The following MAP3K15 variants were observed in gnomAD, a reference collection of about 807,000 sequenced individuals.
MAP3K15 encodes mitogen-activated protein kinase kinase kinase 15, also known as MAPK/ERK kinase kinase 15.
MAP3K15 carries 124 observed loss-of-function variants against 99.5 expected under a neutral mutation model. The observed-to-expected ratio is 1.25, with a 90% CI of 1.08 to 1.45. MAP3K15 has a LOEUF of 1.45. MAP3K15 is among the 40% of genes most tolerant of loss of function. MAP3K15 has a pLI of 0.00. For missense variants in MAP3K15, 1,242 were observed against 1,079.7 expected (o/e 1.15, Z -2.11); for synonymous variants, 494 against 439.6 (o/e 1.12, Z -1.55).
intron 25 of MAP3K15, among the ~76,000 whole-genome samples, chrX:19,366,861 C>G (rs1030029998): frequency 8.9e-6 from 1 of 112,025 alleles, no homozygotes; most frequent in African/African-American, 3.2e-5. Flanking sequence ...CCTCATTCCA[C>G]TGAGACTGGA....
intron 3 of MAP3K15, among the ~76,000 whole-genome samples, chrX:19,485,060 G>A (rs2064313842): frequency 9.0e-6 from 1 of 110,994 alleles, no homozygotes; most frequent in Non-Finnish European, 1.9e-5. Flanking sequence ...TGTAATCTCA[G>A]CACTTTAGGA....
chrX:19,388,992 C>T (rs80037949), intron 18 of MAP3K15, among the ~76,000 whole-genome samples: 28 of 111,848 alleles, frequency 2.5e-4, no homozygotes, highest in South Asian at 3.7e-4. Context: ...CACACCACTG[C>T]ATGGAGGAAC....
At chrX:19,485,143 T>C (rs1297015270) in intron 3 of MAP3K15, among the ~76,000 whole-genome samples, 1 of 109,324 alleles carries the variant, frequency 9.1e-6, no homozygotes, top group Non-Finnish European at 1.9e-5. Flanking sequence ...ACCATGTCTC[T>C]ACTAAAAGTA....
chrX:19,384,332 A>G (rs770114156), intron 18 of MAP3K15, among the ~76,000 whole-genome samples: 5 of 110,200 alleles, frequency 4.5e-5, no homozygotes, highest in African/African-American at 6.6e-5. Context: ...TGGTTACCAG[A>G]GGCTGGGAAG....
At chrX:19,397,685 CACA>C (rs1205392389) in intron 15 of MAP3K15, among the ~76,000 whole-genome samples, 1 of 112,029 alleles carries the variant, frequency 8.9e-6, no homozygotes, top group Non-Finnish European at 1.9e-5. Context: ...TGGGTGGAAA[CACA>C]ACAAAAGTTT....
chrX:19,421,225 A>C (rs1474123410), intron 9 of MAP3K15, among the ~76,000 whole-genome samples: 1 of 111,310 alleles, frequency 9.0e-6, no homozygotes, highest in African/African-American at 3.3e-5. Flanking sequence ...TTCAATTAGG[A>C]AAAGAGGAAG....
chrX:19,362,836 AG>A lies in MAP3K15; in HGVS notation c.3580del (p.Leu1194Ter). The A allele has an allele frequency of 2.7e-6, 3 of 1,110,887 alleles. No individual in the cohort carries two copies. The highest frequency in any genetic ancestry group is 3.7e-6 in the Non-Finnish European group (3 of 820,369). 91.5% of individuals were successfully genotyped at this position (1,110,887 alleles called of 1,213,427 possible). ...CTGGTACTCTCTCTCTTTTTCAACT[AG>A]GTGTTCCAAAAGTCTGGTTTAAAAA... ...RQETNRLLEH[L>X]VEKEREYQNL... is the part of the protein sequence containing the mutation. On this transcript the variant is annotated frameshift_variant, in exon 26 of 29. Transcript: ENST00000338883. LOFTEE classifies it high-confidence loss of function.
At chrX:19,469,445 C>T (rs1426199185) in intron 3 of MAP3K15, among the ~76,000 whole-genome samples, 3 of 111,723 alleles carry the variant, frequency 2.7e-5, no homozygotes, top group African/African-American at 9.8e-5. Context: ...ACCATAAAAA[C>T]CCTAGAAGAA....
intron 5 of MAP3K15, among the ~76,000 whole-genome samples, chrX:19,459,667 T>C (rs1341276300): frequency 9.0e-6 from 1 of 111,719 alleles, no homozygotes; most frequent in East Asian, 2.8e-4. Context: ...CTGACCAACA[T>C]GGTGAAAACC....
rs1200601561 is a variant in MAP3K15 at position 19,493,676 on chromosome X, A to G, written c.362-4709T>C. Among the ~76,000 whole-genome samples the G allele has an allele frequency of 3.6e-5, 4 of 111,985 alleles. No homozygotes were observed. The East Asian group carries it at 1.1e-3, about 31-fold the overall frequency. On this transcript the variant is annotated intron_variant, in intron 1 of 28. Transcript: ENST00000338883. The stretch of plus-strand genomic sequence containing the variant: ...CGTGGTCACATGCTTTGCCATTTAC[A>G]AAACACTTCCACAGACTTCTCAGTT...
At chrX:19,400,755 T>C in intron 13 of MAP3K15, 92 bp from the exon 14 acceptor site, 1 of 568,734 alleles carries the variant, frequency 1.8e-6, no homozygotes, top group East Asian at 3.5e-5. Context: ...TACTTAAATA[T>C]AAACCAAACT....
intron 3 of MAP3K15, among the ~76,000 whole-genome samples, chrX:19,482,997 C>T (rs1265129589): frequency 9.0e-6 from 1 of 110,549 alleles, no homozygotes; most frequent in African/African-American, 3.3e-5. Context: ...ATCTGTAATC[C>T]CAGCTCTTTG....
In MAP3K15 at chrX:19,360,303, T is replaced by G. The variant is rs1438714650; in HGVS notation, c.*446A>C. The G allele has an allele frequency of 2.8e-5, 4 of 142,012 alleles. No homozygotes were observed. Among genetic ancestry groups the G allele is most frequent in the Non-Finnish European group, 5.5e-5 (4 of 73,087 alleles). 11.7% of individuals were successfully genotyped at this position (142,012 alleles called of 1,213,427 possible). On this transcript the variant is annotated 3_prime_UTR_variant, in exon 29 of 29. Transcript: ENST00000338883. ...CCAGTTCTGAGGCAGTGTCCCAGCTTCCATGTTTGTTAAATACCCCTTGTT... is the reference window on the plus strand; with the variant it reads ...CCAGTTCTGAGGCAGTGTCCCAGCTGCCATGTTTGTTAAATACCCCTTGTT...
chrX:19,391,674 C>CAAAA (rs759061873), intron 18 of MAP3K15, among the ~76,000 whole-genome samples: 201 of 24,785 alleles, frequency 8.1e-3, no homozygotes, highest in Middle Eastern at 0.022. Context: ...GACCCCGTCT[C>CAAAA]AAAAAAAAAA....
intron 3 of MAP3K15, among the ~76,000 whole-genome samples, chrX:19,478,534 T>C (rs1240228554): frequency 9.1e-6 from 1 of 109,467 alleles, no homozygotes; most frequent in Non-Finnish European, 1.9e-5. Context: ...GACCTACACA[T>C]GTTCCTAAGC....
In MAP3K15 at chrX:19,398,427, C is replaced by T. The variant is rs371294870; in HGVS notation, c.1933-68G>A. 2.7e-4 allele frequency: 301 copies of T among 1,109,395 alleles called. 1 individual carries two copies. In the African/African-American group the frequency reaches 5.0e-3, roughly 19 times the overall value. The allele number at this position is 1,109,395 out of a possible 1,213,427, so 91.4% of individuals were successfully genotyped here. A position where few individuals can be genotyped will look rare whatever the true frequency, so the allele number is the denominator to read the frequency against. On this transcript the variant is annotated intron_variant, in intron 14 of 28. Transcript: ENST00000338883. ...TAGCGGAGAAGCCCTCTAAGGCCCCCAGAGTTGTCTAGCAACTAAAAAAAA... is the reference window on the plus strand; with the variant it reads ...TAGCGGAGAAGCCCTCTAAGGCCCCTAGAGTTGTCTAGCAACTAAAAAAAA...
intron 9 of MAP3K15, among the ~76,000 whole-genome samples, chrX:19,419,478 A>G (rs2063764644): frequency 9.0e-6 from 1 of 110,740 alleles, no homozygotes; most frequent in Non-Finnish European, 1.9e-5. Flanking sequence ...CAATTCAACA[A>G]GAAGAGCTAA....
In MAP3K15 at chrX:19,486,497, T is replaced by C. The variant is rs765262422; in HGVS notation, c.510A>G (p.Val170=). 1.4e-5 allele frequency: 12 copies of C among 880,525 alleles called. No homozygotes were observed. In the African/African-American group the frequency reaches 1.6e-4, roughly 12 times the overall value. 72.6% of individuals were successfully genotyped at this position (880,525 alleles called of 1,213,427 possible). A position where few individuals can be genotyped will look rare whatever the true frequency, so the allele number is the denominator to read the frequency against. The change falls in exon 3 of 29, where the codon GTA becomes GTG. Residue 170 remains valine, a synonymous_variant. Coordinates refer to ENST00000338883, the MANE Select transcript of MAP3K15 (RefSeq NM_001001671.4). The part of the protein sequence containing the change: ...ADTALSLKDM[V]TQKNTASSGN... ...TAATACTTACTGTGTTTTTTTGAGT[T>C]ACCATGTCCTGAAAAGAAAAAGAAA...
intron 1 of MAP3K15, among the ~76,000 whole-genome samples, chrX:19,509,943 A>T (rs149347193): frequency 0.015 from 1,691 of 111,349 alleles, 41 homozygotes; most frequent in African/African-American, 0.053. Context: ...AATACAAACT[A>T]CCATCAGAGA....
Sources: allele counts gnomAD v4.1 joint callset (sites outside exome capture counted in the v4.1 genomes callset), GRCh38; gene constraint gnomAD v4.1.1; transcripts MANE v1.5; gene names NCBI Gene and HGNC (gene_info 2026-07-23, HGNC 2026-07-21).